CDC37L1: variants seen among roughly 807,000 people sequenced by gnomAD.
CDC37L1 encodes the protein cell division cycle 37 like 1, HSP90 cochaperone.
CDC37L1 carries 32 observed loss-of-function variants against 45.9 expected under a neutral mutation model. That is an observed-to-expected ratio of 0.70 (90% CI 0.53 to 0.94). The LOEUF (loss-of-function observed/expected upper bound fraction) is 0.94, where lower values mean the gene tolerates loss of function less well. Ranked by LOEUF, CDC37L1 falls within the 40% of genes least tolerant of loss-of-function variation. The pLI is 0.00. For missense variants in CDC37L1, 434 were observed against 405.7 expected, an observed-to-expected ratio of 1.07 and a Z score of -0.60; for synonymous variants, 150 against 133.0, an observed-to-expected ratio of 1.13 and a Z score of -0.88.
At chr9:4,705,136 G>A (rs1841430750) in intron 6 of CDC37L1, among the ~76,000 whole-genome samples, 1 of 152,138 alleles carries the variant, frequency 6.6e-6, no homozygotes, top group Non-Finnish European at 1.5e-5. Context: ...GGATGGTGAG[G>A]TTTAAGACAT....
chr9:4,684,990 A>T lies in CDC37L1; in HGVS notation c.246A>T (p.Ala82=). ...CTCAACAGAAACTTGGTAGCTTAGC[A>T]CTGCATAATTCTGAGTCCTTGGATC... is the stretch of plus-strand genomic sequence containing the variant. ...AEAQQKLGSL[A]LHNSESLDQE... Residue 82 remains alanine, a synonymous_variant, in exon 2 of 7, where the codon GCA becomes GCT. Coordinates refer to ENST00000381854, the MANE Select transcript of CDC37L1 (RefSeq NM_017913.4). 6.2e-7 allele frequency: 1 copy of T among 1,614,158 alleles called. No homozygotes were observed. The highest frequency in any genetic ancestry group is 8.5e-7 in the Non-Finnish European group (1 of 1,179,962).
At chr9:4,697,535 G>A (rs898214210) in intron 4 of CDC37L1, among the ~76,000 whole-genome samples, 5 of 151,710 alleles carry the variant, frequency 3.3e-5, no homozygotes, top group African/African-American at 1.2e-4. Context: ...GGTAATCATG[G>A]TATTAAATCA....
chr9:4,706,284 T>A lies in CDC37L1; in HGVS notation c.*172T>A, dbSNP rs900350219. The A allele has an allele frequency of 2.3e-6, 1 of 428,128 alleles. No homozygotes were observed. The highest frequency in any genetic ancestry group is 4.3e-6 in the Non-Finnish European group (1 of 232,852). The allele number at this position is 428,128 out of a possible 1,614,324, so 26.5% of individuals were successfully genotyped here. ...TTTTTTAATGTGCTGCTAGGTTTTTTGTTTTGTTTTGTTCTGAAGAGAAGA... is the reference window on the plus strand; with the variant it reads ...TTTTTTAATGTGCTGCTAGGTTTTTAGTTTTGTTTTGTTCTGAAGAGAAGA... On this transcript the variant is annotated 3_prime_UTR_variant, in exon 7 of 7. Transcript: ENST00000381854.
intron 3 of CDC37L1, among the ~76,000 whole-genome samples, chr9:4,695,574 C>T (rs1841340051): frequency 6.6e-6 from 1 of 152,072 alleles, no homozygotes; most frequent in Non-Finnish European, 1.5e-5. Context: ...CCTTCTGCAG[C>T]CTCTAGCTCC....
At chr9:4,703,565 T>TC (rs2130855278) in intron 6 of CDC37L1, among the ~76,000 whole-genome samples, 1 of 152,304 alleles carries the variant, frequency 6.6e-6, no homozygotes, top group South Asian at 2.1e-4. Flanking sequence ...CCAGGGGAAT[T>TC]CTGTGACCAA....
intron 1 of CDC37L1, among the ~76,000 whole-genome samples, chr9:4,682,604 T>C (rs1841205849): frequency 1.3e-5 from 2 of 149,790 alleles, no homozygotes; most frequent in South Asian, 2.1e-4. Flanking sequence ...GGATTACAGG[T>C]GTAAGCCACC....
rs1211102316 is a variant in CDC37L1 at position 4,706,349 on chromosome 9, G to A, written c.*237G>A. The A allele has an allele frequency of 3.2e-6, 1 of 308,904 alleles. No homozygotes were observed. Among genetic ancestry groups the A allele is most frequent in the African/African-American group, 2.1e-5 (1 of 46,852 alleles). 19.1% of individuals were successfully genotyped at this position (308,904 alleles called of 1,614,324 possible). A position where few individuals can be genotyped will look rare whatever the true frequency, so the allele number is the denominator to read the frequency against. On this transcript the variant is annotated 3_prime_UTR_variant, in exon 7 of 7. Coordinates refer to ENST00000381854, the MANE Select transcript of CDC37L1 (RefSeq NM_017913.4). ...TGCAGGAAGTCAAACTGGACTTTTT[G>A]TGGCTACTAAATTTGCTTTTAATCT...
At chr9:4,694,542 G>A (rs570643072) in intron 3 of CDC37L1, among the ~76,000 whole-genome samples, 23 of 152,142 alleles carry the variant, frequency 1.5e-4, no homozygotes, top group Admixed American at 9.2e-4. Context: ...AATGTCAAGT[G>A]TTAATTCGTC....
rs1399045786 is a variant in CDC37L1, at chr9:4,708,050, C to G, written c.*1938C>G. On this transcript the variant is annotated 3_prime_UTR_variant, in exon 7 of 7. Coordinates refer to ENST00000381854, the MANE Select transcript of CDC37L1 (RefSeq NM_017913.4). ...ATATTTTTACTTGCAAAAGAATATA[C>G]TGTGTTTTGAGTATGAAAGTGTGAT... 1.3e-5 allele frequency: 2 copies of G among 152,174 alleles called. No individual in the cohort carries two copies. The highest frequency in any genetic ancestry group is 4.8e-5 in the African/African-American group (2 of 41,434). The allele number at this position is 152,174 out of a possible 1,614,324, so 9.4% of individuals were successfully genotyped here.
intron 3 of CDC37L1, among the ~76,000 whole-genome samples, chr9:4,689,854 T>A (rs2130846824): frequency 6.6e-6 from 1 of 152,350 alleles, no homozygotes; most frequent in South Asian, 2.1e-4. Context: ...GGAAAAATAG[T>A]ACCATATACT....
chr9:4,693,557 C>T (rs563800521), intron 3 of CDC37L1, among the ~76,000 whole-genome samples: 7 of 152,010 alleles, frequency 4.6e-5, no homozygotes, highest in Non-Finnish European at 1.0e-4. Flanking sequence ...TTTTAGGAAT[C>T]AGGTGGCATA....
intron 6 of CDC37L1, chr9:4,703,193 T>G: frequency 7.5e-6 from 10 of 1,340,408 alleles, no homozygotes; most frequent in Non-Finnish European, 9.8e-6. Context: ...TATTTAGTTT[T>G]AAACCTCATA....
intron 3 of CDC37L1, among the ~76,000 whole-genome samples, chr9:4,689,827 C>T (rs2890605): frequency 1.1e-3 from 161 of 152,282 alleles, no homozygotes; most frequent in African/African-American, 3.6e-3. Context: ...TTTCTAGGCC[C>T]ATGTTTTGCT....
At chr9:4,687,634 G>C (rs1391793561) in intron 2 of CDC37L1, among the ~76,000 whole-genome samples, 1 of 137,796 alleles carries the variant, frequency 7.3e-6, no homozygotes, top group South Asian at 2.3e-4. Context: ...AGCTATGATT[G>C]TGCCACTGTA....
chr9:4,679,663 C>T lies in CDC37L1; in HGVS notation c.-105C>T. The stretch of plus-strand genomic sequence containing the variant: ...GGATTCTGGGTAACGGCCCGGACCC[C>T]CGGCTGGGCTTCTGGCTCGGCGCAG... On this transcript the variant is annotated 5_prime_UTR_variant, in exon 1 of 7. Transcript: ENST00000381854. 2 of 1,111,500 alleles carry T rather than the reference C, an allele frequency of 1.8e-6. No individual in the cohort carries two copies. Among genetic ancestry groups the T allele is most frequent in the Non-Finnish European group, 1.2e-6 (1 of 800,716 alleles). 68.9% of individuals were successfully genotyped at this position (1,111,500 alleles called of 1,614,324 possible).
chr9:4,685,105 G>C lies in CDC37L1; in HGVS notation c.361G>C (p.Glu121Gln), dbSNP rs1264552627. 2 of 1,613,914 alleles carry C rather than the reference G, an allele frequency of 1.2e-6. No homozygotes were observed. The highest frequency in any genetic ancestry group is 1.7e-6 in the Non-Finnish European group (2 of 1,179,782). The change falls in exon 2 of 7, where the codon GAG becomes CAG. Residue 121 changes from glutamate to glutamine, a missense_variant. Transcript: ENST00000381854. ...RQKEEALVQR[E>Q]KMCLWSTDAI... ...GAAAGAAGAAGCTCTAGTACAAAGAGAGAAGATGTGTCTGTGGAGCACGGA... is the reference window on the plus strand; with the variant it reads ...GAAAGAAGAAGCTCTAGTACAAAGACAGAAGATGTGTCTGTGGAGCACGGA...
At chr9:4,682,831 C>T (rs1841208960) in intron 1 of CDC37L1, among the ~76,000 whole-genome samples, 1 of 151,692 alleles carries the variant, frequency 6.6e-6, no homozygotes. Flanking sequence ...AGTTATATAG[C>T]TTAATTTTTC....
At chr9:4,688,454 A>C in intron 2 of CDC37L1, 59 bp from the exon 3 acceptor site, 6 of 936,876 alleles carry the variant, frequency 6.4e-6, no homozygotes, top group Non-Finnish European at 9.4e-6. Context: ...TCAGTATCTG[A>C]GAAAGAAGAT....
Position 4,691,846 on chromosome 9 carries a change from G to A in CDC37L1, c.508+3240G>A, listed in dbSNP as rs188134147. ...TAGTTTATTAATTTAGTTAATTCAC[G>A]TTTTATAAATATAAAATATTAATTT... On this transcript the variant is annotated intron_variant, in intron 3 of 6. Transcript: ENST00000381854. Among the ~76,000 whole-genome samples, 27 of 152,002 alleles carry A rather than the reference G, an allele frequency of 1.8e-4. No homozygotes were observed. In the East Asian group the frequency reaches 3.9e-3, roughly 22 times the overall value.
Sources: allele counts gnomAD v4.1 joint callset (sites outside exome capture counted in the v4.1 genomes callset), GRCh38; gene constraint gnomAD v4.1.1; transcripts MANE v1.5; gene names NCBI Gene and HGNC (gene_info 2026-07-23, HGNC 2026-07-21).